The following CCSER1 variants were observed in gnomAD, a reference collection of about 807,000 sequenced individuals.
The protein encoded by CCSER1 is coiled-coil serine rich protein 1, also known as serine-rich coiled-coil domain-containing protein 1.
A neutral mutation model predicts 82.0 loss-of-function variants in CCSER1; 41 were observed. That is an observed-to-expected ratio of 0.50 (90% CI 0.39 to 0.65). CCSER1 has a LOEUF of 0.65. CCSER1 is among the 30% of genes least tolerant of loss of function. CCSER1 has a pLI of 0.00. For missense variants in CCSER1, 1,119 were observed against 1,064.2 expected, an observed-to-expected ratio of 1.05 and a Z score of -0.72; for synonymous variants, 414 against 383.9, an observed-to-expected ratio of 1.08 and a Z score of -0.92.
intron 9 of CCSER1, among the ~76,000 whole-genome samples, chr4:91,023,908 A>G (rs1740246050): frequency 1.3e-5 from 2 of 152,206 alleles, no homozygotes; most frequent in Non-Finnish European, 2.9e-5. Context: ...TCTTCTTTTT[A>G]AAACAGAACA....
Position 90,984,579 on chromosome 4 carries a change from G to GC in CCSER1, c.2172+61138dup, listed in dbSNP as rs550205102. The stretch of plus-strand genomic sequence containing the variant: ...AAACAAGTGTCTCTTAGTTGAGTTA[G>GC]CCCCCCATGCCTGGATCAATAACTA... On this transcript the variant is annotated intron_variant, in intron 9 of 10. Transcript: ENST00000509176. Among the ~76,000 whole-genome samples, 291 of 151,782 alleles carry GC rather than the reference G, an allele frequency of 1.9e-3. 1 individual carries two copies. Among genetic ancestry groups the GC allele is most frequent in the South Asian group, 0.012 (58 of 4,828 alleles).
chr4:90,647,421 TG>T (rs1181043840), intron 6 of CCSER1, among the ~76,000 whole-genome samples: 1 of 152,198 alleles, frequency 6.6e-6, no homozygotes, highest in Non-Finnish European at 1.5e-5. Context: ...AAAAAGCTAT[TG>T]GTCAATTTAG....
At chr4:91,559,344 G>A (rs569606717) in intron 10 of CCSER1, among the ~76,000 whole-genome samples, 26 of 151,648 alleles carry the variant, frequency 1.7e-4, no homozygotes, top group African/African-American at 6.3e-4. Flanking sequence ...TAAAATCAAA[G>A]CGTGTATAAT....
intron 4 of CCSER1, among the ~76,000 whole-genome samples, chr4:90,464,021 G>A (rs1187643870): frequency 6.6e-6 from 1 of 152,052 alleles, no homozygotes; most frequent in East Asian, 1.9e-4. Flanking sequence ...TAAAATTTTA[G>A]TGTTTAAATT....
At chr4:90,853,577 A>G (rs985243394) in intron 8 of CCSER1, among the ~76,000 whole-genome samples, 1 of 152,002 alleles carries the variant, frequency 6.6e-6, no homozygotes, top group Non-Finnish European at 1.5e-5. Flanking sequence ...TAACCTTTAT[A>G]TTTGAAAAAC....
At chr4:90,565,230 T>G (rs1779223336) in intron 5 of CCSER1, among the ~76,000 whole-genome samples, 2 of 152,016 alleles carry the variant, frequency 1.3e-5, no homozygotes, top group South Asian at 4.1e-4. Context: ...TGTACAGATA[T>G]TTTACCTCTT....
At chr4:90,734,520 G>C (rs190649530) in intron 7 of CCSER1, among the ~76,000 whole-genome samples, 1 of 152,150 alleles carries the variant, frequency 6.6e-6, no homozygotes, top group East Asian at 1.9e-4. Flanking sequence ...TCATTGTAGA[G>C]AGCTTTCATT....
chr4:91,253,266 C>T (rs186077813), intron 10 of CCSER1, among the ~76,000 whole-genome samples: 249 of 152,142 alleles, frequency 1.6e-3, no homozygotes, highest in African/African-American at 5.8e-3. Context: ...TTCTGAATAA[C>T]GTTTTCTTTT....
In CCSER1 at chr4:91,233,670, A is replaced by C. The variant is rs557891299; in HGVS notation, c.2217+147676A>C. 4.2e-4 allele frequency among the ~76,000 whole-genome samples: 64 copies of C among 152,116 alleles called. 1 individual carries two copies. The highest frequency in any genetic ancestry group is 6.2e-4 in the Non-Finnish European group (42 of 67,854). On this transcript the variant is annotated intron_variant, in intron 10 of 10. Transcript: ENST00000509176. Reference sequence around the variant, plus strand: ...AACTTCAGCTTTTTATTCAAGTAGTAAAATAAAAATCTATCCTACAAACTA... The same window carrying C: ...AACTTCAGCTTTTTATTCAAGTAGTCAAATAAAAATCTATCCTACAAACTA...
intron 10 of CCSER1, among the ~76,000 whole-genome samples, chr4:91,557,072 T>C (rs61510066): frequency 0.055 from 8,148 of 148,704 alleles, 313 homozygotes; most frequent in Middle Eastern, 0.083. Context: ...TTTAGAATAA[T>C]GTAGGGAAAG....
At chr4:91,445,848 C>G (rs928194080) in intron 10 of CCSER1, among the ~76,000 whole-genome samples, 1 of 151,964 alleles carries the variant, frequency 6.6e-6, no homozygotes, top group Non-Finnish European at 1.5e-5. Flanking sequence ...GATTGGATAC[C>G]TCTTCAAAAA....
intron 10 of CCSER1, among the ~76,000 whole-genome samples, chr4:91,576,224 TA>T (rs1239154015): frequency 6.6e-6 from 1 of 152,022 alleles, no homozygotes; most frequent in Non-Finnish European, 1.5e-5. Context: ...ATTCAGCCTT[TA>T]AAAAGAAGGG....
rs530009648 is a variant in CCSER1 at position 91,203,646 on chromosome 4, T to G, written c.2217+117652T>G. Reference sequence around the variant, plus strand: ...CTAAAGCATGAATGCATATATACTATGTTAAAAAAAAACAGGGTAAAAGGA... The same window carrying G: ...CTAAAGCATGAATGCATATATACTAGGTTAAAAAAAAACAGGGTAAAAGGA... On this transcript the variant is annotated intron_variant, in intron 10 of 10. Transcript: ENST00000509176. Among the ~76,000 whole-genome samples, 36 of 92,334 alleles carry G rather than the reference T, an allele frequency of 3.9e-4. 1 individual carries two copies. The South Asian group carries it at 0.013, about 33-fold the overall frequency. The allele number at this position is 92,334 out of a possible 152,430, so 60.6% of individuals were successfully genotyped here. A position where few individuals can be genotyped will look rare whatever the true frequency, so the allele number is the denominator to read the frequency against.
At chr4:90,426,948 A>G (rs1044504904) in intron 4 of CCSER1, among the ~76,000 whole-genome samples, 2 of 152,142 alleles carry the variant, frequency 1.3e-5, no homozygotes, top group Non-Finnish European at 2.9e-5. Flanking sequence ...ATTCTTCTAA[A>G]AAGTCTTTAA....
chr4:90,347,498 C>G (rs1322891926), intron 3 of CCSER1, among the ~76,000 whole-genome samples: 4 of 152,184 alleles, frequency 2.6e-5, no homozygotes, highest in Non-Finnish European at 5.9e-5. Flanking sequence ...ATGGAAAATT[C>G]CAGAAATAAA....
intron 9 of CCSER1, among the ~76,000 whole-genome samples, chr4:90,949,161 A>T (rs903062939): frequency 6.6e-6 from 1 of 151,966 alleles, no homozygotes; most frequent in Non-Finnish European, 1.5e-5. Flanking sequence ...GTGCTTTTTG[A>T]TATGTTCTGT....
intron 9 of CCSER1, among the ~76,000 whole-genome samples, chr4:91,082,001 T>C (rs929661264): frequency 2.6e-5 from 4 of 152,146 alleles, no homozygotes; most frequent in African/African-American, 9.7e-5. Context: ...AGGTAATTTA[T>C]AGATTCAATG....
At chr4:90,864,690 T>C (rs1332650193) in intron 8 of CCSER1, among the ~76,000 whole-genome samples, 1 of 152,038 alleles carries the variant, frequency 6.6e-6, no homozygotes, top group Non-Finnish European at 1.5e-5. Context: ...AATAGATCTA[T>C]AGATGCAAAA....
intron 10 of CCSER1, among the ~76,000 whole-genome samples, chr4:91,324,055 T>C (rs760151572): frequency 9.2e-5 from 14 of 152,174 alleles, no homozygotes; most frequent in Non-Finnish European, 1.5e-4. Context: ...TTTGACTTCT[T>C]ACAGATTGTT....
Sources: allele counts gnomAD v4.1 joint callset (sites outside exome capture counted in the v4.1 genomes callset), GRCh38; gene constraint gnomAD v4.1.1; transcripts MANE v1.5; gene names NCBI Gene and HGNC (gene_info 2026-07-23, HGNC 2026-07-21).